GANAB: variants seen among roughly 807,000 people sequenced by gnomAD.
GANAB encodes the protein neutral alpha-glucosidase AB.
Under a neutral mutation model 129.9 loss-of-function variants are expected in GANAB, and 35 were observed. That is an observed-to-expected ratio of 0.27 (90% CI 0.21 to 0.36). The LOEUF is 0.36. Among genes scored for constraint, GANAB ranks in the 10% least tolerant of loss-of-function variants. GANAB has a pLI of 1.00. For missense variants in GANAB, 939 were observed against 1,221.0 expected, an observed-to-expected ratio of 0.77 and a Z score of 3.44; for synonymous variants, 482 against 451.8, an observed-to-expected ratio of 1.07 and a Z score of -0.85.
chr11:62,632,257 A>G (rs892009682), intron 9 of GANAB, among the ~76,000 whole-genome samples: 1 of 152,108 alleles, frequency 6.6e-6, no homozygotes, highest in Non-Finnish European at 1.5e-5. Context: ...TACAGGCATG[A>G]GCCACCACAC....
rs188165338 is a variant in GANAB, at chr11:62,630,805, G to C, written c.1182C>G (p.Leu394=). The change falls in exon 11 of 24, where the codon CTC becomes CTG. Residue 394 remains leucine (L), a synonymous_variant. Transcript: ENST00000356638. ...GTQALPPLFS[L]GYHQSRWNYR... is the part of the protein sequence containing the mutation. ...AGTTCCAACGGCTCTGGTGGTAGCC[G>C]AGGGAGAAGAGTGGGGGCAACGCCT... 6.2e-7 allele frequency: 1 copy of C among 1,613,892 alleles called. No individual in the cohort carries two copies. The highest frequency in any genetic ancestry group is 8.5e-7 in the Non-Finnish European group (1 of 1,179,926).
At position 62,625,759 on chromosome 11, in the gene GANAB, T is replaced by C. The variant is rs1203132672; in HGVS notation, c.*56A>G. ...CCGAACTCCAAGGCAGAAGAAAGAA[T>C]ATCTCTCAGCACTAATGCTCCCCTT... On this transcript the variant is annotated 3_prime_UTR_variant, in exon 24 of 24. Coordinates refer to ENST00000356638, the MANE Select transcript of GANAB (RefSeq NM_198334.3). 8 of 1,085,868 alleles carry C rather than the reference T, an allele frequency of 7.4e-6. No homozygotes were observed. Among genetic ancestry groups the C allele is most frequent in the Admixed American group, 1.7e-5 (1 of 57,416 alleles). 67.3% of individuals were successfully genotyped at this position (1,085,868 alleles called of 1,614,324 possible). A position where few individuals can be genotyped will look rare whatever the true frequency, so the allele number is the denominator to read the frequency against.
chr11:62,629,505 C>T (rs895301896), intron 15 of GANAB, 83 bp downstream of exon 15: 5 of 965,192 alleles, frequency 5.2e-6, no homozygotes, highest in African/African-American at 3.3e-5. Flanking sequence ...GCTCCCATTC[C>T]TCAGAGAGGC....
At position 62,627,425 on chromosome 11, in the gene GANAB, C is replaced by T. The variant is rs758160159; in HGVS notation, c.2181-72G>A. The T allele has an allele frequency of 3.6e-4, 302 of 835,884 alleles. 1 individual carries two copies. Among genetic ancestry groups the T allele is most frequent in the Non-Finnish European group, 5.7e-4 (270 of 476,572 alleles). 51.8% of individuals were successfully genotyped at this position (835,884 alleles called of 1,614,324 possible). A position where few individuals can be genotyped will look rare whatever the true frequency, so the allele number is the denominator to read the frequency against. ...CAAGTCAGAAATGCTCCTCCAGGAA[C>T]TGGCAATAAGAAAAGAACAGCATAG... On this transcript the variant is annotated intron_variant, in intron 17 of 23. Transcript: ENST00000356638.
chr11:62,644,132 C>A (rs1208976442), intron 1 of GANAB, among the ~76,000 whole-genome samples: 1 of 151,928 alleles, frequency 6.6e-6, no homozygotes, highest in East Asian at 2.0e-4. Context: ...TTAGTAGAGA[C>A]GGGGTTTCTC....
At chr11:62,640,533 C>CAAAAAAAA (rs61299912) in intron 1 of GANAB, among the ~76,000 whole-genome samples, 2 of 86,632 alleles carry the variant, frequency 2.3e-5, no homozygotes, top group East Asian at 7.1e-4. Context: ...ACTCCATCTC[C>CAAAAAAAA]AAAAAAAAAA....
At chr11:62,630,123 T>G in intron 13 of GANAB, 74 bp downstream of exon 13, 1 of 1,369,468 alleles carries the variant, frequency 7.3e-7, no homozygotes, top group East Asian at 2.3e-5. Context: ...CATAGAAGGG[T>G]TGGCAAGCCG....
chr11:62,629,734 A>C (rs1220713755), intron 14 of GANAB, 50 bp from the exon 15 acceptor site: 2 of 1,604,780 alleles, frequency 1.2e-6, no homozygotes, highest in Non-Finnish European at 1.7e-6. Context: ...GCCAGCTGTC[A>C]TCTGGTGCAA....
At chr11:62,631,993 A>C (rs534915775) in intron 9 of GANAB, among the ~76,000 whole-genome samples, 57 of 149,174 alleles carry the variant, frequency 3.8e-4, no homozygotes, top group African/African-American at 1.4e-3. Flanking sequence ...TTTTTTTCTG[A>C]AACAGAGTCT....
At chr11:62,639,151 A>C in intron 3 of GANAB, 41 bp from the exon 4 acceptor site, 1 of 1,609,638 alleles carries the variant, frequency 6.2e-7, no homozygotes. Flanking sequence ...AGGAAATGGG[A>C]TACACCATGG....
intron 6 of GANAB, 46 bp downstream of exon 6, chr11:62,633,399 C>A: frequency 6.3e-7 from 1 of 1,596,696 alleles, no homozygotes; most frequent in Non-Finnish European, 8.6e-7. Flanking sequence ...CCCCTCCACC[C>A]TCCCAGCCAG....
At position 62,627,079 on chromosome 11, in the gene GANAB, C is replaced by T. The variant is rs1199675120; in HGVS notation, c.2291G>A (p.Gly764Asp). ...VHPVSDSGAH[G>D]VQVYLPGQGE... ...TTGGCCAGGCAGATAGACCTGGACA[C>T]CATGGGCTCCAGAGTCTGATACAGG... The change falls in exon 19 of 24, where the codon GGT (glycine) becomes GAT (aspartate). Residue 764 changes from glycine to aspartate, a missense_variant. Physicochemically the swap from Gly to Asp is moderately conservative, Grantham distance 94 (BLOSUM62 -1). This residue lies in a region of GANAB where 230 missense variants were observed against 259.9 expected (regional missense o/e 0.89). Transcript: ENST00000356638. The T allele has an allele frequency of 1.2e-6, 2 of 1,614,034 alleles. No individual in the cohort carries two copies. The highest frequency in any genetic ancestry group is 1.7e-6 in the Non-Finnish European group (2 of 1,179,884).
Position 62,630,635 on chromosome 11 carries a change from G to A in GANAB, c.1352C>T (p.Thr451Ile). 4 of 1,614,134 alleles carry A rather than the reference G, an allele frequency of 2.5e-6. No homozygotes were observed. Among genetic ancestry groups the A allele is most frequent in the Non-Finnish European group, 3.4e-6 (4 of 1,179,962 alleles). ...CTTAGAAGCCAAGCGCTCAAGCATGGTGCGGGGCTGAGGGAAGCGACTGGG... is the reference window on the plus strand; with the variant it reads ...CTTAGAAGCCAAGCGCTCAAGCATGATGCGGGGCTGAGGGAAGCGACTGGG... ...WDPSRFPQPR[T>I]MLERLASKRR... The change falls in exon 11 of 24, where the codon ACC becomes ATC. Residue 451 changes from threonine (T) to isoleucine (I), a missense_variant. By Grantham distance (89) the Thr-to-Ile change is moderately conservative (BLOSUM62 -1). Coordinates refer to ENST00000356638, the MANE Select transcript of GANAB (RefSeq NM_198334.3).
intron 22 of GANAB, 74 bp from the exon 23 acceptor site, chr11:62,626,239 AG>A: frequency 7.4e-7 from 1 of 1,357,428 alleles, no homozygotes; most frequent in Admixed American, 1.7e-5. Flanking sequence ...ACCCAAAGCA[AG>A]GTCAGAATGT....
rs1590801414 is a variant in GANAB, at chr11:62,630,576, A to C, written c.1386+25T>G. On this transcript the variant is annotated intron_variant, in intron 11 of 23. Transcript: ENST00000356638. ...TATGCTTCAGCCCTACCCTGAGAAG[A>C]CCAAGCGTGACTGCAACCCCTTACC... 1.9e-6 allele frequency: 3 copies of C among 1,611,352 alleles called. No individual in the cohort carries two copies. In the East Asian group the frequency reaches 6.7e-5, roughly 36 times the overall value.
intron 12 of GANAB, 26 bp from the exon 13 acceptor site, chr11:62,630,302 A>T: frequency 6.2e-7 from 1 of 1,612,276 alleles, no homozygotes. Flanking sequence ...GGTGGCTCTC[A>T]ATCCCCTAAG....
chr11:62,627,399 A>G, intron 17 of GANAB, 46 bp from the exon 18 acceptor site: 2 of 1,078,118 alleles, frequency 1.9e-6, no homozygotes, highest in Non-Finnish European at 2.9e-6. Context: ...CAATTTTGGC[A>G]CAAGTCAGAA....
In GANAB at chr11:62,632,744, C is replaced by A; in HGVS notation, c.817G>T (p.Gly273Cys). 4.3e-6 allele frequency: 7 copies of A among 1,612,478 alleles called. No homozygotes were observed. The highest frequency in any genetic ancestry group is 5.9e-6 in the Non-Finnish European group (7 of 1,178,944). ...TTGTAGAGGCGATATGGCTCCCCAC[C>A]CCTGCAGGCAAACAGACAGACTTGG... ...ADNLRLKVTE[G>C]GEPYRLYNLD... Residue 273 changes from glycine (G) to cysteine (C), a missense_variant and splice_region_variant, in exon 9 of 24, where the codon GGT (glycine) becomes TGT (cysteine). Physicochemically the swap from Gly to Cys is radical, Grantham distance 159. Around this residue, in one of 5 missense-constraint regions of GANAB, gnomAD observed 21 missense variants for 53.7 expected, o/e 0.39. Coordinates refer to ENST00000356638, the MANE Select transcript of GANAB (RefSeq NM_198334.3).
intron 18 of GANAB, 70 bp from the exon 19 acceptor site, chr11:62,627,194 C>A (rs568832916): frequency 4.9e-6 from 7 of 1,441,602 alleles, no homozygotes; most frequent in Non-Finnish European, 6.8e-6. Context: ...AAAGTGCCTG[C>A]CCTCTGCACC....
Sources: gnomAD v4.1 joint callset for allele counts (sites outside exome capture counted in the v4.1 genomes callset) on GRCh38, gnomAD v4.1.1 for gene constraint, gnomAD v4.1.1 regional missense constraint, MANE v1.5 for transcripts, NCBI Gene and HGNC (gene_info 2026-07-23, HGNC 2026-07-21) for gene names.